TIAM2: variants seen among roughly 807,000 people sequenced by gnomAD.
TIAM2 encodes rho guanine nucleotide exchange factor TIAM2.
A neutral mutation model predicts 152.9 loss-of-function variants in TIAM2; 80 were observed. The ratio of observed to expected loss-of-function variants is 0.52; its 90% CI spans 0.44 to 0.63. TIAM2 has a LOEUF of 0.63. TIAM2 is among the 30% of genes least tolerant of loss of function. The pLI is 0.00. For synonymous variants in TIAM2, 804 were observed against 838.0 expected (o/e 0.96, Z 0.70); for missense variants, 1,965 against 2,120.1 (o/e 0.93, Z 1.44).
rs11455127 is a variant in TIAM2, at chr6:155,257,190, C to CAAAAA, written c.*86_*90dup. 9.5e-5 allele frequency: 52 copies of CAAAAA among 547,770 alleles called. 1 individual carries two copies. The highest frequency in any genetic ancestry group is 1.6e-4 in the South Asian group (7 of 44,140). The allele number at this position is 547,770 out of a possible 1,614,324, so 33.9% of individuals were successfully genotyped here. A position where few individuals can be genotyped will look rare whatever the true frequency, so the allele number is the denominator to read the frequency against. On this transcript the variant is annotated 3_prime_UTR_variant, in exon 27 of 27. Transcript: ENST00000682666. ...TAAACTGGTGGTAAAGTGGAAATTG[C>CAAAAA]AAAAAAAAAAAAAAAAAAAAACTGT...
Position 155,175,775 on chromosome 6 carries a change from G to T in TIAM2, c.2362-1041G>T, listed in dbSNP as rs191079831. Among the ~76,000 whole-genome samples, 217 of 152,300 alleles carry T rather than the reference G, an allele frequency of 1.4e-3. 1 individual carries two copies. The highest frequency in any genetic ancestry group is 4.9e-3 in the African/African-American group (204 of 41,546). Reference sequence around the variant, plus strand: ...GCTATTTTTGTTATGAATTACAAAAGGACGTATTAGCATGAAGTCAGCAAT... The same window carrying T: ...GCTATTTTTGTTATGAATTACAAAATGACGTATTAGCATGAAGTCAGCAAT... On this transcript the variant is annotated intron_variant, in intron 9 of 26. Coordinates refer to ENST00000682666, the MANE Select transcript of TIAM2 (RefSeq NM_012454.4).
At position 155,126,036 on chromosome 6, in the gene TIAM2, G is replaced by A. The variant is rs531920533; in HGVS notation, c.-117-1454G>A. Reference sequence around the variant, plus strand: ...TAGTTAAACACCCATGGTCATAGCAGCATTATTCATAATAGCCAAGAGGTG... The same window carrying A: ...TAGTTAAACACCCATGGTCATAGCAACATTATTCATAATAGCCAAGAGGTG... On this transcript the variant is annotated intron_variant, in intron 2 of 26. Transcript: ENST00000682666. Among the ~76,000 whole-genome samples the A allele has an allele frequency of 6.6e-5, 10 of 152,268 alleles. No individual in the cohort carries two copies. The South Asian group carries it at 2.1e-3, about 32-fold the overall frequency.
At chr6:155,125,711 G>A (rs149994892) in intron 2 of TIAM2, among the ~76,000 whole-genome samples, 59 of 151,958 alleles carry the variant, frequency 3.9e-4, no homozygotes, top group African/African-American at 1.4e-3. Flanking sequence ...AATGGTGCGC[G>A]CCTATAATCA....
chr6:155,161,988 C>T (rs1302805440), intron 7 of TIAM2, among the ~76,000 whole-genome samples: 4 of 152,032 alleles, frequency 2.6e-5, no homozygotes, highest in African/African-American at 7.2e-5. Flanking sequence ...GAGACAGTCT[C>T]GCTCTGTCAC....
rs1157291707 is a variant in TIAM2 at position 155,243,957 on chromosome 6, A to G, written c.3349-54A>G. The stretch of plus-strand genomic sequence containing the variant: ...GCCAGGTTGCTGCTACCCAAATCTC[A>G]TGGGTATTTTGGAGACTAAAGCGTT... On this transcript the variant is annotated intron_variant, in intron 16 of 26. Coordinates refer to ENST00000682666, the MANE Select transcript of TIAM2 (RefSeq NM_012454.4). 13 of 1,488,272 alleles carry G rather than the reference A, an allele frequency of 8.7e-6. No homozygotes were observed. The East Asian group carries it at 2.6e-4, about 30-fold the overall frequency. The allele number at this position is 1,488,272 out of a possible 1,614,324, so 92.2% of individuals were successfully genotyped here.
Position 155,018,024 on chromosome 6 carries a change from C to T in TIAM2, c.-209+22532C>T, listed in dbSNP as rs141211178. ...AAGCCAGATGTAAAATATCCCAATA[C>T]GATTTTTATATTGTTTACATGTCAA... On this transcript the variant is annotated intron_variant, in intron 1 of 26. Transcript: ENST00000682666. Among the ~76,000 whole-genome samples, 410 of 152,138 alleles carry T rather than the reference C, an allele frequency of 2.7e-3. 6 individuals are homozygous for T. The highest frequency in any genetic ancestry group is 9.2e-3 in the African/African-American group (381 of 41,490).
chr6:155,073,285 C>T (rs1777883134), intron 1 of TIAM2, among the ~76,000 whole-genome samples: 1 of 151,666 alleles, frequency 6.6e-6, no homozygotes. Context: ...GCCTCAGCCT[C>T]CCAAGTAGCT....
chr6:155,066,794 C>T lies in TIAM2; in HGVS notation c.-208-23495C>T, dbSNP rs11758210. Among the ~76,000 whole-genome samples the T allele has an allele frequency of 1.8e-3, 274 of 151,902 alleles. 1 individual carries two copies. Among genetic ancestry groups the T allele is most frequent in the African/African-American group, 6.2e-3 (256 of 41,482 alleles). The stretch of plus-strand genomic sequence containing the variant: ...TTTTTGAGACTGAGTCTCGCTCTGT[C>T]GCCCAGGCTGGAGTGCAGTGGTGCG... On this transcript the variant is annotated intron_variant, in intron 1 of 26. Coordinates refer to ENST00000682666, the MANE Select transcript of TIAM2 (RefSeq NM_012454.4).
chr6:155,254,009 C>T lies in TIAM2; in HGVS notation c.4262C>T (p.Thr1421Met), dbSNP rs143636859. Residue 1421 changes from threonine (T) to methionine (M), a missense_variant, in exon 25 of 27, where the codon ACG becomes ATG. Transcript: ENST00000682666. ...AATTCCATATGGGAACTGATCCATA[C>T]GAAGTCAGAAATAGAAGGACGGCCA... ...ENNSIWELIH[T>M]KSEIEGRPET... 2.1e-4 allele frequency: 337 copies of T among 1,614,020 alleles called. 1 individual carries two copies. In the African/African-American group the frequency reaches 3.7e-3, roughly 18 times the overall value.
chr6:155,109,384 T>G (rs1222566766), intron 2 of TIAM2, among the ~76,000 whole-genome samples: 4 of 152,216 alleles, frequency 2.6e-5, no homozygotes, highest in African/African-American at 9.7e-5. Context: ...TGAAATTAAG[T>G]GTGCCTTCTA....
chr6:155,069,181 G>T (rs556762625), intron 1 of TIAM2, among the ~76,000 whole-genome samples: 2 of 152,030 alleles, frequency 1.3e-5, no homozygotes, highest in Admixed American at 6.6e-5. Flanking sequence ...TACAACCTCC[G>T]CCTCCCAGGT....
intron 14 of TIAM2, among the ~76,000 whole-genome samples, chr6:155,183,713 T>A (rs765027398): frequency 6.6e-6 from 1 of 152,150 alleles, no homozygotes; most frequent in African/African-American, 2.4e-5. Context: ...AAAATAATTA[T>A]TTTTGCACAA....
intron 1 of TIAM2, among the ~76,000 whole-genome samples, chr6:155,032,061 A>G (rs889528663): frequency 1.2e-4 from 18 of 152,136 alleles, no homozygotes; most frequent in Non-Finnish European, 2.5e-4. Context: ...TATAGCGTGT[A>G]CTTTATACGA....
At chr6:155,158,572 T>C (rs74875801) in intron 7 of TIAM2, among the ~76,000 whole-genome samples, 1 of 151,866 alleles carries the variant, frequency 6.6e-6, no homozygotes, top group Non-Finnish European at 1.5e-5. Context: ...TTTTTTTTTT[T>C]GACAGGGTCT....
At chr6:155,028,101 ATAAT>A (rs374089443) in intron 1 of TIAM2, among the ~76,000 whole-genome samples, 1 of 108,848 alleles carries the variant, frequency 9.2e-6, no homozygotes, top group Non-Finnish European at 1.7e-5. Context: ...TATACTATAT[ATAAT>A]ATATGTACTG....
chr6:155,134,397 A>ACCCCCCC (rs35487009), intron 4 of TIAM2, among the ~76,000 whole-genome samples: 1 of 110,544 alleles, frequency 9.0e-6, no homozygotes, highest in Non-Finnish European at 1.8e-5. Flanking sequence ...GCATCCCCCC[A>ACCCCCCC]CCCCCCCCCA....
chr6:155,138,089 C>T (rs1471589623), intron 5 of TIAM2, among the ~76,000 whole-genome samples: 1 of 152,194 alleles, frequency 6.6e-6, no homozygotes, highest in Non-Finnish European at 1.5e-5. Context: ...AGGTTGTCCA[C>T]CTTGGCCTCC....
chr6:155,080,967 T>TA (rs543828029), intron 1 of TIAM2, among the ~76,000 whole-genome samples: 39 of 152,266 alleles, frequency 2.6e-4, no homozygotes, highest in African/African-American at 8.9e-4. Context: ...GAGAGGTCTG[T>TA]AGCACTCACT....
Position 155,061,585 on chromosome 6 carries a change from C to A in TIAM2, c.-208-28704C>A, listed in dbSNP as rs1175472710. Among the ~76,000 whole-genome samples, 13 of 152,282 alleles carry A rather than the reference C, an allele frequency of 8.5e-5. No homozygotes were observed. The South Asian group carries it at 2.7e-3, about 32-fold the overall frequency. On this transcript the variant is annotated intron_variant, in intron 1 of 26. Coordinates refer to ENST00000682666, the MANE Select transcript of TIAM2 (RefSeq NM_012454.4). Reference sequence around the variant, plus strand: ...GCAGCTTTGGAATTTCCAGCTTGTACCTCTGATGCAATAAATTTACCGTCT... The same window carrying A: ...GCAGCTTTGGAATTTCCAGCTTGTAACTCTGATGCAATAAATTTACCGTCT...
Sources: gnomAD v4.1 joint callset for allele counts (sites outside exome capture counted in the v4.1 genomes callset) on GRCh38, gnomAD v4.1.1 for gene constraint, MANE v1.5 for transcripts, NCBI Gene and HGNC (gene_info 2026-07-23, HGNC 2026-07-21) for gene names.